Variants in CTDSPL2 observed in about 807,000 individuals in gnomAD.
CTDSPL2 encodes the protein CTD small phosphatase like 2.
CTDSPL2 carries 5 observed loss-of-function variants against 60.0 expected under a neutral mutation model. The observed-to-expected ratio is 0.08, with a 90% CI of 0.04 to 0.18. The LOEUF (loss-of-function observed/expected upper bound fraction) is 0.18, where lower values mean the gene tolerates loss of function less well. CTDSPL2 is among the 10% of genes least tolerant of loss of function. The pLI is 1.00. For synonymous variants in CTDSPL2, 186 were observed against 189.3 expected (o/e 0.98, Z 0.14); for missense variants, 370 against 548.8 (o/e 0.67, Z 3.26).
rs1020580455 is a variant in CTDSPL2 at position 44,492,620 on chromosome 15, A to G, written c.691+1621A>G. Among the ~76,000 whole-genome samples the G allele has an allele frequency of 2.6e-5, 4 of 152,234 alleles. No homozygotes were observed. The East Asian group carries it at 7.7e-4, about 29-fold the overall frequency. ...AAACATTTAAAGAAAATATGATACA[A>G]TTATGAAACTTCTATATAATGCAAT... On this transcript the variant is annotated intron_variant, in intron 5 of 12. Coordinates refer to ENST00000260327, the MANE Select transcript of CTDSPL2 (RefSeq NM_016396.3).
intron 2 of CTDSPL2, among the ~76,000 whole-genome samples, chr15:44,475,630 C>G (rs2080900485): frequency 1.3e-5 from 1 of 76,434 alleles, no homozygotes; most frequent in Non-Finnish European, 2.7e-5. Context: ...CAGAACAAGA[C>G]TTCGTCTCAA....
chr15:44,439,868 T>C (rs897700882), intron 1 of CTDSPL2, among the ~76,000 whole-genome samples: 1 of 152,190 alleles, frequency 6.6e-6, no homozygotes, highest in East Asian at 1.9e-4. Flanking sequence ...TATTGTATTA[T>C]GTTTGTTTGG....
chr15:44,515,139 C>T (rs988474116), intron 10 of CTDSPL2, among the ~76,000 whole-genome samples: 3 of 151,970 alleles, frequency 2.0e-5, no homozygotes, highest in Admixed American at 6.6e-5. Context: ...AATTTTTCCA[C>T]GTTGTGCATG....
intron 8 of CTDSPL2, among the ~76,000 whole-genome samples, chr15:44,500,360 A>C (rs762435288): frequency 5.9e-5 from 9 of 152,136 alleles, no homozygotes; most frequent in Non-Finnish European, 8.8e-5. Flanking sequence ...GACAGGTAAC[A>C]GTGCAAAATA....
intron 1 of CTDSPL2, among the ~76,000 whole-genome samples, chr15:44,449,637 C>T (rs2080293450): frequency 6.6e-6 from 1 of 152,072 alleles, no homozygotes; most frequent in Middle Eastern, 3.4e-3. Flanking sequence ...GGCCTCAGTT[C>T]AGTATAAGGA....
At chr15:44,445,474 G>A (rs1459882976) in intron 1 of CTDSPL2, among the ~76,000 whole-genome samples, 2 of 152,144 alleles carry the variant, frequency 1.3e-5, no homozygotes, top group East Asian at 3.9e-4. Flanking sequence ...ACAGGTGTGA[G>A]CCACTGTACC....
intron 1 of CTDSPL2, among the ~76,000 whole-genome samples, chr15:44,447,244 C>G (rs1037764490): frequency 1.3e-5 from 2 of 152,112 alleles, no homozygotes; most frequent in Admixed American, 6.6e-5. Flanking sequence ...CACATAGGAA[C>G]CTTTTCATGT....
At chr15:44,430,586 C>T (rs1472556884) in intron 1 of CTDSPL2, among the ~76,000 whole-genome samples, 2 of 151,972 alleles carry the variant, frequency 1.3e-5, no homozygotes, top group African/African-American at 4.8e-5. Context: ...GGAGACTGTG[C>T]TTTAGATTGA....
chr15:44,499,891 T>C, intron 8 of CTDSPL2, 78 bp downstream of exon 8: 1 of 757,700 alleles, frequency 1.3e-6, no homozygotes, highest in South Asian at 1.5e-5. Context: ...TTTTTTTGTG[T>C]GTATGTGACA....
At chr15:44,463,165 G>A (rs1006888561) in intron 2 of CTDSPL2, among the ~76,000 whole-genome samples, 5 of 151,998 alleles carry the variant, frequency 3.3e-5, no homozygotes, top group East Asian at 1.9e-4. Context: ...TGATTGAGAC[G>A]AAATCTTGCT....
rs147112632 is a variant in CTDSPL2, at chr15:44,524,026, C to A, written c.1336-83C>A. On this transcript the variant is annotated intron_variant, in intron 12 of 12. Transcript: ENST00000260327. ...CATAAAATAAAAACTGGTATGTTTT[C>A]TCTGCAAGGTAAGAATGTATGTTAT... The A allele has an allele frequency of 6.2e-4, 653 of 1,054,396 alleles. 2 individuals are homozygous for A. The highest frequency in any genetic ancestry group is 3.0e-3 in the African/African-American group (194 of 63,690). 65.3% of individuals were successfully genotyped at this position (1,054,396 alleles called of 1,614,324 possible).
intron 2 of CTDSPL2, among the ~76,000 whole-genome samples, chr15:44,469,644 T>G (rs893795325): frequency 1.3e-5 from 2 of 152,202 alleles, no homozygotes; most frequent in Non-Finnish European, 2.9e-5. Context: ...ATATTCTATC[T>G]TGTTGAATGT....
intron 1 of CTDSPL2, among the ~76,000 whole-genome samples, chr15:44,443,600 C>T (rs2080138152): frequency 6.6e-6 from 1 of 152,116 alleles, no homozygotes; most frequent in Non-Finnish European, 1.5e-5. Context: ...TACTAGTCAT[C>T]TAAATGAGTG....
intron 1 of CTDSPL2, among the ~76,000 whole-genome samples, chr15:44,451,762 G>A (rs2080338784): frequency 6.6e-6 from 1 of 152,172 alleles, no homozygotes; most frequent in South Asian, 2.1e-4. Flanking sequence ...AAAAATCTAT[G>A]AAATTTATCT....
chr15:44,458,012 C>G (rs1377163768), intron 1 of CTDSPL2, among the ~76,000 whole-genome samples: 6 of 152,150 alleles, frequency 3.9e-5, no homozygotes, highest in Non-Finnish European at 7.4e-5. Flanking sequence ...CCAGGAATTT[C>G]TGTACATTTA....
At chr15:44,452,193 A>T (rs185504662) in intron 1 of CTDSPL2, among the ~76,000 whole-genome samples, 8 of 152,186 alleles carry the variant, frequency 5.3e-5, no homozygotes, top group Non-Finnish European at 1.2e-4. Flanking sequence ...AGATACTCCT[A>T]TAACATTAGA....
At chr15:44,454,971 T>A (rs2080404405) in intron 1 of CTDSPL2, among the ~76,000 whole-genome samples, 2 of 152,212 alleles carry the variant, frequency 1.3e-5, no homozygotes, top group South Asian at 2.1e-4. Context: ...AAGAAAGTCA[T>A]TGGTAGCTTG....
At chr15:44,515,332 A>G (rs1347087532) in intron 10 of CTDSPL2, among the ~76,000 whole-genome samples, 1 of 152,222 alleles carries the variant, frequency 6.6e-6, no homozygotes, top group African/African-American at 2.4e-5. Context: ...CAGTGGGTTT[A>G]GTCACTCAGG....
chr15:44,455,210 A>G (rs1390619602), intron 1 of CTDSPL2, among the ~76,000 whole-genome samples: 4 of 152,086 alleles, frequency 2.6e-5, no homozygotes, highest in Non-Finnish European at 4.4e-5. Context: ...TTCACTCATG[A>G]TTTGGCTCTC....
Sources: gnomAD v4.1 joint callset for allele counts (sites outside exome capture counted in the v4.1 genomes callset) on GRCh38, gnomAD v4.1.1 for gene constraint, MANE v1.5 for transcripts, NCBI Gene and HGNC (gene_info 2026-07-23, HGNC 2026-07-21) for gene names.